Variants in POLN observed in about 807,000 individuals in gnomAD.
POLN encodes DNA polymerase nu.
A neutral mutation model predicts 113.5 loss-of-function variants in POLN; 108 were observed. The observed-to-expected ratio is 0.95, with a 90% CI of 0.81 to 1.12. The LOEUF is 1.12. POLN is among the 50% of genes most tolerant of loss of function. The probability of loss-of-function intolerance (pLI) is 0.00; values close to 1 mark genes in which losing one functional copy is unlikely to be tolerated. For synonymous variants in POLN, 386 were observed against 391.5 expected, an observed-to-expected ratio of 0.99 and a Z score of 0.17; for missense variants, 1,097 against 1,077.1, an observed-to-expected ratio of 1.02 and a Z score of -0.26.
chr4:2,158,333 G>A (rs1006848805), intron 14 of POLN, among the ~76,000 whole-genome samples: 2 of 152,116 alleles, frequency 1.3e-5, no homozygotes, highest in Non-Finnish European at 2.9e-5. Context: ...AGATGACTCC[G>A]AGAGGCCCTG....
rs575750511 is a variant in POLN at position 2,163,140 on chromosome 4, A to G, written c.1555-3929T>C. Among the ~76,000 whole-genome samples, 21 of 152,188 alleles carry G rather than the reference A, an allele frequency of 1.4e-4. No homozygotes were observed. The East Asian group carries it at 4.1e-3, about 29-fold the overall frequency. ...TATATGATTTTGATGTAATAGGTGA[A>G]CCATTAAATCATAGTGCTCTCTGAA... On this transcript the variant is annotated intron_variant, in intron 13 of 25. Transcript: ENST00000511885.
At chr4:2,241,989 G>T in intron 1 of POLN, 62 bp downstream of exon 1, 1 of 985,550 alleles carries the variant, frequency 1.0e-6, no homozygotes, top group Non-Finnish European at 1.2e-6. Flanking sequence ...TGCAGACGGG[G>T]ATCGCGGCCA....
At chr4:2,153,440 T>C (rs1409665784) in intron 16 of POLN, among the ~76,000 whole-genome samples, 1 of 152,202 alleles carries the variant, frequency 6.6e-6, no homozygotes, top group African/African-American at 2.4e-5. Context: ...TAAATGTGTG[T>C]GTGCATAAAG....
At chr4:2,106,386 C>T (rs1049079987) in intron 19 of POLN, among the ~76,000 whole-genome samples, 10 of 152,216 alleles carry the variant, frequency 6.6e-5, no homozygotes, top group Admixed American at 2.0e-4. Context: ...GACTCCTAGA[C>T]TTTAGAATGT....
chr4:2,236,764 G>A lies in POLN; in HGVS notation c.-13+4756C>T, dbSNP rs147377252. ...TATAGTCCCAGATACTCCGGAGGCTGAGGCAGGAGGATTGCTTGAACTCGG... is the reference window on the plus strand; with the variant it reads ...TATAGTCCCAGATACTCCGGAGGCTAAGGCAGGAGGATTGCTTGAACTCGG... On this transcript the variant is annotated intron_variant, in intron 2 of 25. Coordinates refer to ENST00000511885, the MANE Select transcript of POLN (RefSeq NM_181808.4). Among the ~76,000 whole-genome samples the A allele has an allele frequency of 7.5e-3, 1,134 of 152,030 alleles. 18 individuals carry two copies. The highest frequency in any genetic ancestry group is 0.023 in the African/African-American group (956 of 41,430).
chr4:2,239,995 A>C (rs1453262183), intron 2 of POLN: 1 of 1,467,128 alleles, frequency 6.8e-7, no homozygotes, highest in Admixed American at 1.8e-5. Context: ...TCTATTCCTA[A>C]CAATAATTAC....
intron 4 of POLN, among the ~76,000 whole-genome samples, chr4:2,210,008 T>TATATATATATATATATATATACAC (rs33928012): frequency 9.8e-6 from 1 of 102,184 alleles, no homozygotes; most frequent in African/African-American, 6.4e-5. Flanking sequence ...AAATTTACTT[T>TATATATATATATATATATATACAC]ATATATATAT....
chr4:2,101,780 G>A (rs1488485808), intron 19 of POLN, among the ~76,000 whole-genome samples: 2 of 152,208 alleles, frequency 1.3e-5, no homozygotes, highest in Non-Finnish European at 2.9e-5. Flanking sequence ...ACTAGAACTG[G>A]GAAGCAAGCA....
intron 3 of POLN, among the ~76,000 whole-genome samples, chr4:2,224,164 T>A (rs1734328783): frequency 6.6e-6 from 1 of 152,222 alleles, no homozygotes; most frequent in Non-Finnish European, 1.5e-5. Context: ...TTTTAAAAAA[T>A]GTTCTTAACT....
chr4:2,194,245 TACCAAAGCCATCA>T (rs963835276), intron 6 of POLN, among the ~76,000 whole-genome samples: 4 of 152,208 alleles, frequency 2.6e-5, no homozygotes, highest in Admixed American at 2.0e-4. Context: ...AACTCTAAGC[TACCAAAGCCATCA>T]ATCCCTCTTT....
chr4:2,185,055 T>A (rs575904768), intron 7 of POLN, among the ~76,000 whole-genome samples: 1 of 152,210 alleles, frequency 6.6e-6, no homozygotes, highest in Non-Finnish European at 1.5e-5. Context: ...TTTATGTAAG[T>A]GTTATAGCTA....
chr4:2,143,005 T>C (rs777393017), intron 16 of POLN, among the ~76,000 whole-genome samples: 6 of 152,096 alleles, frequency 3.9e-5, no homozygotes, highest in Non-Finnish European at 8.8e-5. Context: ...AACTCTCCCT[T>C]ACACGTTTAA....
chr4:2,200,555 G>A (rs1176383839), intron 5 of POLN, among the ~76,000 whole-genome samples: 1 of 152,174 alleles, frequency 6.6e-6, no homozygotes, highest in African/African-American at 2.4e-5. Flanking sequence ...GTGCAGACAA[G>A]CCCCAGGACA....
At chr4:2,144,548 C>T (rs1045352639) in intron 16 of POLN, among the ~76,000 whole-genome samples, 22 of 152,126 alleles carry the variant, frequency 1.4e-4, no homozygotes, top group Admixed American at 5.2e-4. Context: ...GCTAGTTCTT[C>T]AAACACATAA....
chr4:2,241,958 G>GC, intron 1 of POLN, 93 bp downstream of exon 1: 3 of 985,382 alleles, frequency 3.0e-6, no homozygotes, highest in Non-Finnish European at 3.6e-6. Context: ...AGGAGCGCAG[G>GC]AAAAAAAAGA....
At chr4:2,147,232 C>A (rs1732165934) in intron 16 of POLN, among the ~76,000 whole-genome samples, 1 of 152,146 alleles carries the variant, frequency 6.6e-6, no homozygotes, top group African/African-American at 2.4e-5. Flanking sequence ...AGGACATTGA[C>A]AAAAACTGGC....
At chr4:2,119,426 C>CGTGT (rs36119421) in intron 19 of POLN, among the ~76,000 whole-genome samples, 6 of 151,218 alleles carry the variant, frequency 4.0e-5, no homozygotes, top group African/African-American at 1.2e-4. Flanking sequence ...TGTGTGCACA[C>CGTGT]GTGTGTGTGT....
At chr4:2,135,085 T>C (rs1050742892) in intron 16 of POLN, among the ~76,000 whole-genome samples, 4 of 152,186 alleles carry the variant, frequency 2.6e-5, no homozygotes, top group Non-Finnish European at 5.9e-5. Flanking sequence ...CTGGGAGTTA[T>C]TGTCTGTCAT....
intron 19 of POLN, among the ~76,000 whole-genome samples, chr4:2,121,001 T>C (rs1731425825): frequency 6.6e-6 from 1 of 152,240 alleles, no homozygotes; most frequent in South Asian, 2.1e-4. Flanking sequence ...TGTCATCTGC[T>C]AAGAGGGACA....
Sources: allele counts gnomAD v4.1 joint callset (sites outside exome capture counted in the v4.1 genomes callset), GRCh38; gene constraint gnomAD v4.1.1; transcripts MANE v1.5; gene names NCBI Gene and HGNC (gene_info 2026-07-23, HGNC 2026-07-21).